CNDP1: variants seen among roughly 807,000 people sequenced by gnomAD.
The protein encoded by CNDP1 is beta-Ala-His dipeptidase.
CNDP1 carries 44 observed loss-of-function variants against 58.1 expected under a neutral mutation model. The observed-to-expected ratio is 0.76, with a 90% CI of 0.60 to 0.97. The LOEUF (loss-of-function observed/expected upper bound fraction) is 0.97, where lower values mean the gene tolerates loss of function less well. CNDP1 is among the 50% of genes least tolerant of loss of function. The pLI, the probability that CNDP1 is intolerant of heterozygous loss-of-function variation, is 0.00. For synonymous variants in CNDP1, 254 were observed against 252.6 expected, an observed-to-expected ratio of 1.01 and a Z score of -0.05; for missense variants, 616 against 655.1, an observed-to-expected ratio of 0.94 and a Z score of 0.65.
intron 1 of CNDP1, among the ~76,000 whole-genome samples, chr18:74,547,587 TC>T (rs376767146): frequency 5.3e-4 from 80 of 152,302 alleles, no homozygotes; most frequent in African/African-American, 1.8e-3. Context: ...CATTAAAGTA[TC>T]CCAGGCCACT....
intron 1 of CNDP1, among the ~76,000 whole-genome samples, chr18:74,550,112 G>T (rs1980863670): frequency 6.6e-6 from 1 of 152,180 alleles, no homozygotes; most frequent in Admixed American, 6.5e-5. Context: ...CCCACATAGG[G>T]TCCCCACTGG....
chr18:74,534,625 T>G lies in CNDP1; in HGVS notation c.-43T>G. 1 of 1,612,744 alleles carries G rather than the reference T, an allele frequency of 6.2e-7. No individual in the cohort carries two copies. The highest frequency in any genetic ancestry group is 1.1e-5 in the South Asian group (1 of 90,968). ...ATGGGACTCCCTCTGCCACATTTTTTGGAGGTTGGGAAAGTTGCTAGAGGC... is the reference window on the plus strand; with the variant it reads ...ATGGGACTCCCTCTGCCACATTTTTGGGAGGTTGGGAAAGTTGCTAGAGGC... On this transcript the variant is annotated 5_prime_UTR_variant, in exon 1 of 12. Transcript: ENST00000358821.
chr18:74,556,792 C>T lies in CNDP1; in HGVS notation c.153+326C>T, dbSNP rs183049669. On this transcript the variant is annotated intron_variant, in intron 2 of 11. Coordinates refer to ENST00000358821, the MANE Select transcript of CNDP1 (RefSeq NM_032649.6). ...GTCGCCCATTCCTAATGCCACCTGA[C>T]GTTATTGTAAGGCCTGGGCAGAGCT... 4.1e-3 allele frequency among the ~76,000 whole-genome samples: 628 copies of T among 152,314 alleles called. 5 individuals are homozygous for T. Among genetic ancestry groups the T allele is most frequent in the African/African-American group, 0.014 (587 of 41,562 alleles).
rs1417835446 is a variant in CNDP1, at chr18:74,586,242, G to A, written c.*1680G>A. 6.6e-6 allele frequency: 1 copy of A among 152,168 alleles called. No homozygotes were observed. Among genetic ancestry groups the A allele is most frequent in the East Asian group, 1.9e-4 (1 of 5,192 alleles). 9.4% of individuals were successfully genotyped at this position (152,168 alleles called of 1,614,324 possible). A position where few individuals can be genotyped will look rare whatever the true frequency, so the allele number is the denominator to read the frequency against. The stretch of plus-strand genomic sequence containing the variant: ...GTTAGTGTTTTCTTTGGAAGCAGGA[G>A]GCTTCAAGCCATCACATCTCCAATT... On this transcript the variant is annotated 3_prime_UTR_variant, in exon 12 of 12. Transcript: ENST00000358821.
At chr18:74,548,935 A>T (rs1980830121) in intron 1 of CNDP1, among the ~76,000 whole-genome samples, 1 of 152,226 alleles carries the variant, frequency 6.6e-6, no homozygotes, top group Non-Finnish European at 1.5e-5. Flanking sequence ...TGGCAGAAGA[A>T]ATTTCTAAGT....
intron 6 of CNDP1, 143 bp downstream of exon 6, chr18:74,567,576 G>A (rs764281561): frequency 4.2e-6 from 3 of 716,366 alleles, no homozygotes; most frequent in Non-Finnish European, 7.1e-6. Context: ...CTCAGGGGAG[G>A]TGGGGTGGGT....
At chr18:74,538,395 C>T (rs894067508) in intron 1 of CNDP1, among the ~76,000 whole-genome samples, 2 of 152,208 alleles carry the variant, frequency 1.3e-5, no homozygotes, top group African/African-American at 4.8e-5. Flanking sequence ...AATAATACTC[C>T]ATTGTGTGAA....
At chr18:74,542,710 C>T (rs530393790) in intron 1 of CNDP1, among the ~76,000 whole-genome samples, 55 of 152,276 alleles carry the variant, frequency 3.6e-4, no homozygotes, top group East Asian at 1.9e-4. Flanking sequence ...AATCTGATTT[C>T]GCTTATGTAG....
intron 1 of CNDP1, among the ~76,000 whole-genome samples, chr18:74,542,072 C>T (rs961645429): frequency 4.6e-5 from 7 of 152,322 alleles, no homozygotes; most frequent in East Asian, 1.9e-4. Flanking sequence ...GAGTGCATGG[C>T]GCTCAGGGAG....
intron 1 of CNDP1, among the ~76,000 whole-genome samples, chr18:74,541,148 T>C (rs1432243999): frequency 4.6e-5 from 7 of 152,298 alleles, no homozygotes. Context: ...GGGGCTGCAG[T>C]TGGGAGCCAT....
At chr18:74,584,178 A>T (rs1323610142) in intron 11 of CNDP1, 2 of 380,224 alleles carry the variant, frequency 5.3e-6, no homozygotes, top group Non-Finnish European at 9.7e-6. Context: ...GGCAGATACT[A>T]CAAGATCTCC....
intron 1 of CNDP1, among the ~76,000 whole-genome samples, chr18:74,551,514 A>C (rs76823649): frequency 0.019 from 2,893 of 152,190 alleles, 108 homozygotes; most frequent in African/African-American, 0.066. Flanking sequence ...CAGCAAATTG[A>C]CTATAGCAGG....
At chr18:74,583,840 G>T in intron 11 of CNDP1, 132 bp downstream of exon 11, 1 of 885,736 alleles carries the variant, frequency 1.1e-6, no homozygotes, top group South Asian at 1.6e-5. Flanking sequence ...TTAAAGAACA[G>T]ACATTCATTC....
In CNDP1 at chr18:74,580,139, C is replaced by T. The variant is rs1450111565; in HGVS notation, c.1177C>T (p.His393Tyr). The T allele has an allele frequency of 6.2e-7, 1 of 1,613,138 alleles. No individual in the cohort carries two copies. ...VSAVEKQVTR[H>Y]LEDVFSKRNS... ...AAATGTCACCTTTTAGGTGACACGACATCTTGAAGATGTGTTCTCCAAAAG... is the reference window on the plus strand; with the variant it reads ...AAATGTCACCTTTTAGGTGACACGATATCTTGAAGATGTGTTCTCCAAAAG... The change falls in exon 10 of 12, where the codon CAT (histidine) becomes TAT (tyrosine). Residue 393 changes from histidine to tyrosine, a missense_variant. Physicochemically the swap from His to Tyr is moderately conservative, Grantham distance 83 (BLOSUM62 2). Transcript: ENST00000358821.
chr18:74,577,708 GA>G (rs1326204760), intron 8 of CNDP1: 1 of 153,428 alleles, frequency 6.5e-6, no homozygotes, highest in Non-Finnish European at 1.5e-5. Flanking sequence ...CCAGAAGAAA[GA>G]AAACTGGCTT....
rs146672055 is a variant in CNDP1 at position 74,541,701 on chromosome 18, C to G, written c.24+7010C>G. On this transcript the variant is annotated intron_variant, in intron 1 of 11. Coordinates refer to ENST00000358821, the MANE Select transcript of CNDP1 (RefSeq NM_032649.6). ...CTGAGGTCCTCCCCAGCCCCTTCGTCCCAGCCCTAATCAGGAGGTAGGGGC... is the reference window on the plus strand; with the variant it reads ...CTGAGGTCCTCCCCAGCCCCTTCGTGCCAGCCCTAATCAGGAGGTAGGGGC... Among the ~76,000 whole-genome samples the G allele has an allele frequency of 1.1e-3, 174 of 152,314 alleles. 2 individuals carry two copies. Among genetic ancestry groups the G allele is most frequent in the Admixed American group, 4.0e-3 (61 of 15,302 alleles).
intron 1 of CNDP1, among the ~76,000 whole-genome samples, chr18:74,547,707 A>T (rs570122416): frequency 1.3e-5 from 2 of 152,330 alleles, no homozygotes; most frequent in Admixed American, 6.5e-5. Flanking sequence ...CTGGAAGCTC[A>T]GGCAGCTGTG....
At chr18:74,534,763 G>GT in intron 1 of CNDP1, 72 bp downstream of exon 1, 1 of 1,573,096 alleles carries the variant, frequency 6.4e-7, no homozygotes, top group Non-Finnish European at 8.7e-7. Context: ...GAGCATGTGC[G>GT]TTAAGCCCAG....
chr18:74,544,148 A>G (rs1050251037), intron 1 of CNDP1, among the ~76,000 whole-genome samples: 1 of 152,152 alleles, frequency 6.6e-6, no homozygotes, highest in African/African-American at 2.4e-5. Flanking sequence ...GCCACTCAGG[A>G]GGCACAGACA....
Sources: gnomAD v4.1 joint callset for allele counts (sites outside exome capture counted in the v4.1 genomes callset) on GRCh38, gnomAD v4.1.1 for gene constraint, MANE v1.5 for transcripts, NCBI Gene and HGNC (gene_info 2026-07-23, HGNC 2026-07-21) for gene names.